Variants in CNTLN observed in about 807,000 individuals in gnomAD.
The protein encoded by CNTLN is centlein, centrosomal protein.
In CNTLN, 212 loss-of-function variants were observed where a neutral mutation model predicts 180.0. The observed-to-expected ratio is 1.18, with a 90% CI of 1.05 to 1.32. The LOEUF (loss-of-function observed/expected upper bound fraction) is 1.32. Among genes scored for constraint, CNTLN ranks in the 40% most tolerant of loss-of-function variants. The probability of loss-of-function intolerance (pLI) is 0.00; values close to 1 mark genes in which losing one functional copy is unlikely to be tolerated. For missense variants in CNTLN, 2,095 were observed against 1,610.9 expected (o/e 1.30, Z -5.14); for synonymous variants, 722 against 563.1 (o/e 1.28, Z -3.99).
At chr9:17,380,279 A>C (rs184991802) in intron 13 of CNTLN, among the ~76,000 whole-genome samples, 67 of 152,234 alleles carry the variant, frequency 4.4e-4, no homozygotes, top group African/African-American at 1.2e-3. Context: ...GAAAAGTATA[A>C]AGTCAGAATG....
Position 17,416,199 on chromosome 9 carries a change from A to C in CNTLN, c.3114+10A>C, listed in dbSNP as rs75474074. The C allele has an allele frequency of 8.3e-5, 132 of 1,597,384 alleles. 1 individual carries two copies. The African/African-American group carries it at 1.6e-3, about 19-fold the overall frequency. On this transcript the variant is annotated intron_variant, in intron 18 of 25. Coordinates refer to ENST00000380647, the MANE Select transcript of CNTLN (RefSeq NM_017738.4). ...CAGGCAGACAATAAAGGTAAAGAGA[A>C]CTTTAAGATTGAACAGTAGTATACT...
intron 5 of CNTLN, among the ~76,000 whole-genome samples, chr9:17,266,968 CTGA>C (rs965848142): frequency 1.3e-5 from 2 of 152,144 alleles, no homozygotes; most frequent in Non-Finnish European, 2.9e-5. Flanking sequence ...ATACAGCACA[CTGA>C]TGGGTCTTGA....
intron 2 of CNTLN, among the ~76,000 whole-genome samples, chr9:17,151,960 A>G (rs868293758): frequency 6.6e-6 from 1 of 152,116 alleles, no homozygotes; most frequent in South Asian, 2.1e-4. Context: ...AGGTGTTTAT[A>G]GTATTCTCTG....
intron 18 of CNTLN, among the ~76,000 whole-genome samples, chr9:17,445,697 C>G (rs534625367): frequency 1.3e-3 from 199 of 152,254 alleles, no homozygotes; most frequent in African/African-American, 4.4e-3. Flanking sequence ...CAGGTATTGT[C>G]CAAGGTTTCT....
intron 5 of CNTLN, among the ~76,000 whole-genome samples, chr9:17,272,239 A>G (rs1204173323): frequency 1.3e-5 from 2 of 151,758 alleles, no homozygotes; most frequent in African/African-American, 4.8e-5. Flanking sequence ...ACCATGCCCA[A>G]CTAATTTTTG....
In CNTLN at chr9:17,388,373, C is replaced by G. The variant is rs1047854898; in HGVS notation, c.2079+120C>G. 3.6e-5 allele frequency: 23 copies of G among 632,400 alleles called. No homozygotes were observed. In the African/African-American group the frequency reaches 3.7e-4, roughly 10 times the overall value. The allele number at this position is 632,400 out of a possible 1,614,324, so 39.2% of individuals were successfully genotyped here. A position where few individuals can be genotyped will look rare whatever the true frequency, so the allele number is the denominator to read the frequency against. The stretch of plus-strand genomic sequence containing the variant: ...CTTGTGTGAATCCTTAATTTAAATT[C>G]ATAATTCAAAATCATTGGCTTGCCA... On this transcript the variant is annotated intron_variant, in intron 14 of 25. Coordinates refer to ENST00000380647, the MANE Select transcript of CNTLN (RefSeq NM_017738.4).
chr9:17,468,419 T>C (rs1436114706), intron 23 of CNTLN, among the ~76,000 whole-genome samples: 4 of 151,666 alleles, frequency 2.6e-5, no homozygotes, highest in Non-Finnish European at 5.9e-5. Flanking sequence ...ATAGTCATTA[T>C]TTTACTCATG....
At chr9:17,409,582 G>T in intron 16 of CNTLN, 109 bp downstream of exon 16, 1 of 790,258 alleles carries the variant, frequency 1.3e-6, no homozygotes, top group Non-Finnish European at 1.9e-6. Context: ...ATTCTTACAA[G>T]TTAAGTCTTT....
chr9:17,343,141 A>G (rs141850724), intron 12 of CNTLN, among the ~76,000 whole-genome samples: 50 of 152,360 alleles, frequency 3.3e-4, no homozygotes, highest in African/African-American at 1.1e-3. Flanking sequence ...TTTAGAAAAC[A>G]TACAGTTGGT....
In CNTLN at chr9:17,148,062, A is replaced by T. The variant is rs181448838; in HGVS notation, c.449+4686A>T. On this transcript the variant is annotated intron_variant, in intron 2 of 25. Transcript: ENST00000380647. The stretch of plus-strand genomic sequence containing the variant: ...ATGCTTTACTTTTTATTATGGAGAA[A>T]TTTTAATTAGATGCAAAGACAGAGA... Among the ~76,000 whole-genome samples the T allele has an allele frequency of 5.1e-3, 773 of 152,316 alleles. 5 individuals carry two copies. The highest frequency in any genetic ancestry group is 8.0e-3 in the Admixed American group (122 of 15,286).
At position 17,330,825 on chromosome 9, in the gene CNTLN, A is replaced by G. The variant is rs1274639166; in HGVS notation, c.1518+17A>G. Reference sequence around the variant, plus strand: ...AAACATAAGGTAGGGACATTTTGTCATTTTGTGAATTTGCCAGGATGAGGC... The same window carrying G: ...AAACATAAGGTAGGGACATTTTGTCGTTTTGTGAATTTGCCAGGATGAGGC... On this transcript the variant is annotated intron_variant, in intron 9 of 25. Coordinates refer to ENST00000380647, the MANE Select transcript of CNTLN (RefSeq NM_017738.4). 3 of 1,586,224 alleles carry G rather than the reference A, an allele frequency of 1.9e-6. No individual in the cohort carries two copies. The highest frequency in any genetic ancestry group is 2.3e-5 in the East Asian group (1 of 43,468).
chr9:17,390,845 A>C (rs1035841237), intron 14 of CNTLN, among the ~76,000 whole-genome samples: 1 of 152,056 alleles, frequency 6.6e-6, no homozygotes, highest in East Asian at 1.9e-4. Flanking sequence ...AATAATTTTG[A>C]CCAGTTCTCA....
At chr9:17,287,410 A>C (rs973300341) in intron 6 of CNTLN, among the ~76,000 whole-genome samples, 23 of 151,026 alleles carry the variant, frequency 1.5e-4, no homozygotes, top group African/African-American at 5.6e-4. Flanking sequence ...TCGTTTTGCC[A>C]GTATTTTATT....
At position 17,330,641 on chromosome 9, in the gene CNTLN, C is replaced by T. The variant is rs754270856; in HGVS notation, c.1351C>T (p.Arg451Cys). 5.7e-6 allele frequency: 9 copies of T among 1,581,424 alleles called. No homozygotes were observed. The highest frequency in any genetic ancestry group is 3.7e-5 in the Admixed American group (2 of 54,588). ...DPDYSAQVPH[R>C]PSLSSLETLM... Reference sequence around the variant, plus strand: ...ATACTTTTTAAAATAGGTACCTCATCGCCCATCCTTATCAAGCTTAGAAAC... The same window carrying T: ...ATACTTTTTAAAATAGGTACCTCATTGCCCATCCTTATCAAGCTTAGAAAC... Residue 451 changes from arginine (R) to cysteine (C), a missense_variant, in exon 9 of 26, where the codon CGC (arginine) becomes TGC (cysteine). Arg to Cys is a radical substitution (Grantham distance 180, BLOSUM62 -3). Coordinates refer to ENST00000380647, the MANE Select transcript of CNTLN (RefSeq NM_017738.4).
intron 5 of CNTLN, among the ~76,000 whole-genome samples, chr9:17,246,672 G>A (rs10962938): frequency 0.21 from 31,267 of 152,114 alleles, 4,093 homozygotes; most frequent in African/African-American, 0.37. Flanking sequence ...GAAGCCATCC[G>A]GGAGTCAGGG....
Position 17,298,229 on chromosome 9 carries a change from C to G in CNTLN, c.1023C>G (p.Asn341Lys), listed in dbSNP as rs1346934662. Residue 341 changes from asparagine (N) to lysine (K), a missense_variant, in exon 7 of 26, where the codon AAC (asparagine) becomes AAG (lysine). Asn to Lys is a moderately conservative substitution (Grantham distance 94, BLOSUM62 0). Transcript: ENST00000380647. The part of the protein sequence containing the change: ...LQELQNLYKQ[N>K]STHTAQQAEL... ...AGCTGCAGAATCTTTACAAACAGAACAGTACACATACAGCCCAGCAAGCAG... is the reference window on the plus strand; with the variant it reads ...AGCTGCAGAATCTTTACAAACAGAAGAGTACACATACAGCCCAGCAAGCAG... 6.3e-7 allele frequency: 1 copy of G among 1,592,070 alleles called. No individual in the cohort carries two copies. The highest frequency in any genetic ancestry group is 1.2e-5 in the South Asian group (1 of 86,158).
At chr9:17,228,614 A>G (rs1312913269) in intron 3 of CNTLN, among the ~76,000 whole-genome samples, 1 of 152,022 alleles carries the variant, frequency 6.6e-6, no homozygotes, top group African/African-American at 2.4e-5. Flanking sequence ...CTCCTACACT[A>G]CTTTGTTTCT....
intron 3 of CNTLN, 72 bp downstream of exon 3, chr9:17,226,359 A>T: frequency 1.2e-6 from 1 of 828,972 alleles, no homozygotes; most frequent in Non-Finnish European, 1.8e-6. Flanking sequence ...AATTATTTTT[A>T]TTTTTTTGCA....
chr9:17,207,870 T>C (rs1251455522), intron 2 of CNTLN, among the ~76,000 whole-genome samples: 1 of 152,142 alleles, frequency 6.6e-6, no homozygotes, highest in African/African-American at 2.4e-5. Context: ...TCTTGTGGAG[T>C]CTTTAGGTTT....
Sources: allele counts gnomAD v4.1 joint callset (sites outside exome capture counted in the v4.1 genomes callset), GRCh38; gene constraint gnomAD v4.1.1; transcripts MANE v1.5; gene names NCBI Gene and HGNC (gene_info 2026-07-23, HGNC 2026-07-21).